Variants in DNAI3 observed in about 807,000 individuals in gnomAD.
DNAI3 encodes WD repeat domain 63.
A neutral mutation model predicts 115.5 loss-of-function variants in DNAI3; 83 were observed. The observed-to-expected ratio is 0.72, with a 90% CI of 0.60 to 0.86. The LOEUF (loss-of-function observed/expected upper bound fraction) is 0.86. DNAI3 is among the 40% of genes least tolerant of loss of function. The pLI is 0.00. For missense variants in DNAI3, 1,004 were observed against 1,075.8 expected (o/e 0.93, Z 0.93); for synonymous variants, 320 against 347.0 (o/e 0.92, Z 0.86).
intron 7 of DNAI3, among the ~76,000 whole-genome samples, chr1:85,088,418 C>T (rs904797408): frequency 6.6e-6 from 1 of 151,866 alleles, no homozygotes; most frequent in African/African-American, 2.4e-5. Context: ...AATGCTGGTA[C>T]CATGCATTAC....
At chr1:85,118,602 A>G (rs1219847309) in intron 17 of DNAI3, among the ~76,000 whole-genome samples, 2 of 152,122 alleles carry the variant, frequency 1.3e-5, no homozygotes, top group Non-Finnish European at 2.9e-5. Flanking sequence ...CTTCATCCAC[A>G]CTTTGGTATG....
chr1:85,100,598 T>A lies in DNAI3; in HGVS notation c.1479+1940T>A, dbSNP rs528592302. Among the ~76,000 whole-genome samples the A allele has an allele frequency of 5.3e-5, 8 of 152,234 alleles. No homozygotes were observed. In the South Asian group the frequency reaches 1.7e-3, roughly 32 times the overall value. ...CAAGGATCTAGAACTAGAAATACCA[T>A]TTGACCCAGCCATCCCATTACTGGG... On this transcript the variant is annotated intron_variant, in intron 13 of 22. Transcript: ENST00000294664.
At position 85,108,073 on chromosome 1, in the gene DNAI3, A is replaced by G; in HGVS notation, c.1594A>G (p.Thr532Ala). ...FWDIRPQKPL[T>A]PQTTEKKKEE... is the part of the protein sequence containing the mutation. ...GGATATTAGACCACAGAAACCTTTA[A>G]CCCCCCAAACAACAGAGAAAAAGAA... The change falls in exon 15 of 23, where the codon ACC becomes GCC. Residue 532 changes from threonine (T) to alanine (A), a missense_variant. Physicochemically the swap from Thr to Ala is moderately conservative, Grantham distance 58 (BLOSUM62 0). Around this residue, in one of 3 missense-constraint regions of DNAI3, gnomAD observed 429 missense variants for 454.3 expected, o/e 0.94. Coordinates refer to ENST00000294664, the MANE Select transcript of DNAI3 (RefSeq NM_145172.5). 1 of 1,608,294 alleles carries G rather than the reference A, an allele frequency of 6.2e-7. No individual in the cohort carries two copies. The highest frequency in any genetic ancestry group is 8.5e-7 in the Non-Finnish European group (1 of 1,177,760).
At chr1:85,072,954 CAAAAAAA>C in intron 2 of DNAI3, 93 bp from the exon 3 acceptor site, 1 of 406,350 alleles carries the variant, frequency 2.5e-6, no homozygotes, top group East Asian at 7.1e-5. Flanking sequence ...GACTCCGTCT[CAAAAAAA>C]AAAAAAAAAA....
chr1:85,129,911 C>A, intron 21 of DNAI3, 79 bp from the exon 22 acceptor site: 1 of 1,493,250 alleles, frequency 6.7e-7, no homozygotes, highest in Non-Finnish European at 8.9e-7. Context: ...TTACAAGCAG[C>A]AGAAATTCTA....
chr1:85,122,877 T>A (rs1571200511), intron 18 of DNAI3, among the ~76,000 whole-genome samples: 1 of 152,122 alleles, frequency 6.6e-6, no homozygotes, highest in East Asian at 1.9e-4. Flanking sequence ...TTAGGAGGAT[T>A]CAGTTCTGCA....
chr1:85,103,326 A>G (rs1480116534), intron 13 of DNAI3, among the ~76,000 whole-genome samples: 2 of 152,188 alleles, frequency 1.3e-5, no homozygotes, highest in African/African-American at 4.8e-5. Context: ...CTGAGGAACC[A>G]TAAACCCTCC....
chr1:85,128,936 A>AT (rs1656232850), intron 21 of DNAI3, 137 bp downstream of exon 21: 3 of 743,168 alleles, frequency 4.0e-6, no homozygotes, highest in African/African-American at 3.7e-5. Flanking sequence ...AAGAGGATGT[A>AT]TTTCTGTTGT....
chr1:85,123,363 C>T (rs111456365), intron 18 of DNAI3, among the ~76,000 whole-genome samples: 152 of 152,328 alleles, frequency 1.0e-3, no homozygotes, highest in South Asian at 3.5e-3. Flanking sequence ...GTAATCTGAA[C>T]TCCTTTCTTA....
intron 16 of DNAI3, among the ~76,000 whole-genome samples, chr1:85,110,958 A>G (rs1396594193): frequency 6.6e-6 from 1 of 152,224 alleles, no homozygotes; most frequent in African/African-American, 2.4e-5. Flanking sequence ...TTGCTGAAAT[A>G]ATTGAAGGGG....
At chr1:85,071,826 A>C (rs1654285498) in intron 1 of DNAI3, 102 bp from the exon 2 acceptor site, 1 of 1,201,030 alleles carries the variant, frequency 8.3e-7, no homozygotes, top group Non-Finnish European at 1.2e-6. Context: ...AAATCTTAGA[A>C]AACATATTCT....
rs779759603 is a variant in DNAI3, at chr1:85,121,832, C to A, written c.1981+18C>A. On this transcript the variant is annotated intron_variant, in intron 18 of 22. Transcript: ENST00000294664. ...ACTTATGTGTAAGTTTTGTGATTGC[C>A]CTGTTATTAATAAGATGTTCCTTTT... 1.2e-6 allele frequency: 2 copies of A among 1,612,902 alleles called. No individual in the cohort carries two copies. Among genetic ancestry groups the A allele is most frequent in the Admixed American group, 3.3e-5 (2 of 60,008 alleles).
rs1278766674 is a variant in DNAI3, at chr1:85,132,939, C to T, written c.2617C>T (p.Leu873Phe). The change falls in exon 23 of 23, where the codon CTT (leucine) becomes TTT (phenylalanine). Residue 873 changes from leucine (L) to phenylalanine (F), a missense_variant. Coordinates refer to ENST00000294664, the MANE Select transcript of DNAI3 (RefSeq NM_145172.5). ...TTATCTGGAACTGGAAAAGACTGTT[C>T]TTATCAACCTTGGCCTAATCAAAGT... The part of the protein sequence containing the change: ...ESYLELEKTV[L>F]INLGLIKVTE... 4 of 1,613,930 alleles carry T rather than the reference C, an allele frequency of 2.5e-6. No homozygotes were observed. In the African/African-American group the frequency reaches 5.3e-5, roughly 22 times the overall value.
intron 8 of DNAI3, among the ~76,000 whole-genome samples, chr1:85,090,990 T>C (rs1405694221): frequency 2.0e-5 from 3 of 152,222 alleles, no homozygotes. Flanking sequence ...GTTGGTTCTT[T>C]CATACTGGAT....
At chr1:85,099,101 T>G (rs1655210429) in intron 13 of DNAI3, among the ~76,000 whole-genome samples, 2 of 152,194 alleles carry the variant, frequency 1.3e-5, no homozygotes, top group Non-Finnish European at 2.9e-5. Context: ...GAAAACTAGT[T>G]GTGCAGTCTG....
At chr1:85,132,383 C>T (rs897196647) in intron 22 of DNAI3, among the ~76,000 whole-genome samples, 1 of 152,196 alleles carries the variant, frequency 6.6e-6, no homozygotes, top group Non-Finnish European at 1.5e-5. Flanking sequence ...CAGCTCACTC[C>T]TCAATGGACA....
At chr1:85,120,765 C>T (rs138607435) in intron 17 of DNAI3, among the ~76,000 whole-genome samples, 1,609 of 152,244 alleles carry the variant, frequency 0.011, 34 homozygotes, top group African/African-American at 0.037. Context: ...CTGTGAGGAT[C>T]GTGAGTAGAG....
chr1:85,091,318 A>G (rs150738396), intron 8 of DNAI3, among the ~76,000 whole-genome samples: 1 of 152,336 alleles, frequency 6.6e-6, no homozygotes, highest in African/African-American at 2.4e-5. Context: ...TCCACATTGT[A>G]TATTATCTTT....
rs909048355 is a variant in DNAI3 at position 85,098,038 on chromosome 1, C to T, written c.1350+383C>T. ...TTGGACATGCCACCTCACCTCAGCA[C>T]GATAGCTTTTCTCATGTATAAAATG... On this transcript the variant is annotated intron_variant, in intron 12 of 22. Coordinates refer to ENST00000294664, the MANE Select transcript of DNAI3 (RefSeq NM_145172.5). 5.3e-5 allele frequency among the ~76,000 whole-genome samples: 8 copies of T among 152,224 alleles called. No individual in the cohort carries two copies. The South Asian group carries it at 1.0e-3, about 20-fold the overall frequency.
Sources: allele counts gnomAD v4.1 joint callset (sites outside exome capture counted in the v4.1 genomes callset), GRCh38; gene constraint gnomAD v4.1.1; regional missense constraint gnomAD v4.1.1; transcripts MANE v1.5; gene names NCBI Gene and HGNC (gene_info 2026-07-23, HGNC 2026-07-21).